Variants in NCKAP1 observed in about 807,000 individuals in gnomAD.
NCKAP1 encodes the protein nck-associated protein 1.
A neutral mutation model predicts 151.2 loss-of-function variants in NCKAP1; 21 were observed. That is an observed-to-expected ratio of 0.14 (90% CI 0.10 to 0.20). The LOEUF (loss-of-function observed/expected upper bound fraction) is 0.20, where lower values mean the gene tolerates loss of function less well. NCKAP1 is among the 10% of genes least tolerant of loss of function. The probability of loss-of-function intolerance (pLI) is 1.00; values close to 1 mark genes in which losing one functional copy is unlikely to be tolerated. For missense variants in NCKAP1, 933 were observed against 1,352.1 expected (o/e 0.69, Z 4.86); for synonymous variants, 484 against 451.8 (o/e 1.07, Z -0.90).
intron 1 of NCKAP1, chr2:183,025,000 G>T: frequency 1.9e-6 from 3 of 1,611,774 alleles, no homozygotes; most frequent in Non-Finnish European, 2.5e-6. Flanking sequence ...TCCTTGCTGG[G>T]GAAGCATTGT....
Position 182,982,717 on chromosome 2 carries a change from TAAC to T in NCKAP1, c.1208+101_1208+103del. The T allele has an allele frequency of 4.1e-6, 3 of 725,748 alleles. No individual in the cohort carries two copies. The South Asian group carries it at 6.9e-5, about 17-fold the overall frequency. The allele number at this position is 725,748 out of a possible 1,614,324, so 45.0% of individuals were successfully genotyped here. A position where few individuals can be genotyped will look rare whatever the true frequency, so the allele number is the denominator to read the frequency against. ...TAGGTGTACTAAATGAATTTCAACT[TAAC>T]AATATTTTCAACTTACAATAGGTCT... On this transcript the variant is annotated intron_variant, in intron 12 of 30. Transcript: ENST00000361354.
chr2:182,958,636 G>C (rs1353067528), intron 18 of NCKAP1, among the ~76,000 whole-genome samples: 3 of 152,162 alleles, frequency 2.0e-5, no homozygotes, highest in Non-Finnish European at 2.9e-5. Flanking sequence ...AAAGGATTCA[G>C]TAACTTAGAT....
intron 15 of NCKAP1, among the ~76,000 whole-genome samples, chr2:182,973,176 T>C (rs1479182669): frequency 5.9e-5 from 9 of 152,110 alleles, no homozygotes. Context: ...TATTATGTAT[T>C]CATAAAAATT....
intron 28 of NCKAP1, 70 bp from the exon 29 acceptor site, chr2:182,928,296 T>C: frequency 9.2e-7 from 1 of 1,083,720 alleles, no homozygotes; most frequent in Non-Finnish European, 1.4e-6. Context: ...AAATCTTTAA[T>C]GACTTCACAA....
chr2:182,934,865 AT>A, intron 25 of NCKAP1, 33 bp from the exon 26 acceptor site: 3 of 1,039,308 alleles, frequency 2.9e-6, no homozygotes, highest in Non-Finnish European at 4.2e-6. Context: ...ATACAGAATT[AT>A]TTTTAAATGG....
chr2:183,032,884 CA>C (rs200396253), intron 1 of NCKAP1, among the ~76,000 whole-genome samples: 1 of 151,594 alleles, frequency 6.6e-6, no homozygotes, highest in South Asian at 2.1e-4. Flanking sequence ...CCAACTCTAT[CA>C]AAAAAAATAC....
intron 2 of NCKAP1, among the ~76,000 whole-genome samples, chr2:183,010,556 C>A (rs1213458540): frequency 6.6e-6 from 1 of 152,222 alleles, no homozygotes; most frequent in African/African-American, 2.4e-5. Flanking sequence ...AGGTAACTGA[C>A]ACAATTAATA....
Position 182,953,294 on chromosome 2 carries a change from G to C in NCKAP1, c.2191C>G (p.Gln731Glu). 6.2e-7 allele frequency: 1 copy of C among 1,613,542 alleles called. No individual in the cohort carries two copies. The highest frequency in any genetic ancestry group is 8.5e-7 in the Non-Finnish European group (1 of 1,179,664). ...AGTTCTGAAGGTTTTGCAATTTCCTGTGTGGCTTGATTATACATAGTCATC... is the reference window on the plus strand; with the variant it reads ...AGTTCTGAAGGTTTTGCAATTTCCTCTGTGGCTTGATTATACATAGTCATC... ...VGMTMYNQATQEIAKPSELLT... is the reference protein window; with the variant it reads ...VGMTMYNQATEEIAKPSELLT... Residue 731 changes from glutamine to glutamate, a missense_variant, in exon 21 of 31, where the codon CAG becomes GAG. Around this residue, in one of 2 missense-constraint regions of NCKAP1, gnomAD observed 326 missense variants for 557.1 expected, o/e 0.59. Transcript: ENST00000361354.
intron 2 of NCKAP1, among the ~76,000 whole-genome samples, chr2:183,007,903 C>G (rs1698510630): frequency 6.6e-6 from 1 of 152,060 alleles, no homozygotes; most frequent in Non-Finnish European, 1.5e-5. Flanking sequence ...CACATAGCAG[C>G]AGCACAGTGA....
intron 2 of NCKAP1, among the ~76,000 whole-genome samples, chr2:183,019,697 G>C (rs968490724): frequency 2.0e-5 from 3 of 152,172 alleles, no homozygotes; most frequent in African/African-American, 4.8e-5. Flanking sequence ...GCACACATTA[G>C]ATAACAAGTG....
chr2:182,989,091 A>G lies in NCKAP1; in HGVS notation c.886T>C (p.Phe296Leu), dbSNP rs765358612. 6.2e-7 allele frequency: 1 copy of G among 1,613,334 alleles called. No individual in the cohort carries two copies. The highest frequency in any genetic ancestry group is 1.1e-5 in the South Asian group (1 of 91,012). ...TGAATGTGGAAAACTTCATCCCGAA[A>G]GAGAGAGAGGCAAGAGCTACTTTGA... Reference protein sequence around the residue: ...ALQSSSCLSLFRDEVFHIHKA... With the variant: ...ALQSSSCLSLLRDEVFHIHKA... The change falls in exon 9 of 31, where the codon TTT (phenylalanine) becomes CTT (leucine). Residue 296 changes from phenylalanine to leucine, a missense_variant. Phe to Leu is a conservative substitution (Grantham distance 22). Transcript: ENST00000361354.
intron 13 of NCKAP1, 86 bp from the exon 14 acceptor site, chr2:182,979,001 C>T (rs1697882820): frequency 1.7e-5 from 12 of 712,128 alleles, no homozygotes. Flanking sequence ...GATAAACAAA[C>T]TGGTATACCC....
intron 1 of NCKAP1, among the ~76,000 whole-genome samples, chr2:183,031,854 A>G (rs1487645828): frequency 6.6e-6 from 1 of 152,246 alleles, no homozygotes; most frequent in South Asian, 2.1e-4. Flanking sequence ...AGCTTGAAGC[A>G]TAACAGAAGC....
At position 182,979,424 on chromosome 2, in the gene NCKAP1, C is replaced by CT. The variant is rs1697893137; in HGVS notation, c.1342-510dup. On this transcript the variant is annotated intron_variant, in intron 13 of 30. Transcript: ENST00000361354. ...TCAACAAAATTAAGACCTAAAAATC[C>CT]TTTTCAATCTAGCTTAAAAAATGAA... Among the ~76,000 whole-genome samples, 4 of 151,972 alleles carry CT rather than the reference C, an allele frequency of 2.6e-5. No individual in the cohort carries two copies. The South Asian group carries it at 8.3e-4, about 31-fold the overall frequency.
At chr2:182,953,973 A>T (rs1483002799) in intron 20 of NCKAP1, among the ~76,000 whole-genome samples, 1 of 152,158 alleles carries the variant, frequency 6.6e-6, no homozygotes, top group South Asian at 2.1e-4. Flanking sequence ...CTACAGCTTG[A>T]ATTTATTTGA....
At chr2:183,019,507 A>G (rs1208605791) in intron 2 of NCKAP1, among the ~76,000 whole-genome samples, 1 of 152,190 alleles carries the variant, frequency 6.6e-6, no homozygotes, top group Non-Finnish European at 1.5e-5. Flanking sequence ...ATCCAGGAAA[A>G]TAACAGATTC....
chr2:183,017,239 G>A (rs1698709851), intron 2 of NCKAP1, among the ~76,000 whole-genome samples: 2 of 152,050 alleles, frequency 1.3e-5, no homozygotes, highest in African/African-American at 4.8e-5. Context: ...GTGGTTTGGG[G>A]TGACTAAAGC....
intron 23 of NCKAP1, among the ~76,000 whole-genome samples, chr2:182,950,112 G>T (rs912902552): frequency 3.9e-5 from 6 of 152,140 alleles, no homozygotes; most frequent in Non-Finnish European, 8.8e-5. Context: ...TTAGTGAAGG[G>T]TAGTTTGAAA....
At chr2:182,981,179 A>G (rs1224031225) in intron 13 of NCKAP1, 65 bp downstream of exon 13, 8 of 1,543,468 alleles carry the variant, frequency 5.2e-6, no homozygotes, top group Non-Finnish European at 7.1e-6. Context: ...TTGAACAAAC[A>G]AATAAAATAC....
Sources: gnomAD v4.1 joint callset for allele counts (sites outside exome capture counted in the v4.1 genomes callset) on GRCh38, gnomAD v4.1.1 for gene constraint, gnomAD v4.1.1 regional missense constraint, MANE v1.5 for transcripts, NCBI Gene and HGNC (gene_info 2026-07-23, HGNC 2026-07-21) for gene names.